Variants in PCDHA1 observed in about 807,000 individuals in gnomAD.
PCDHA1 encodes the protein protocadherin alpha 1.
A neutral mutation model predicts 61.3 loss-of-function variants in PCDHA1; 42 were observed. The observed-to-expected ratio is 0.69, with a 90% CI of 0.54 to 0.89. PCDHA1 has a LOEUF of 0.89. Among genes scored for constraint, PCDHA1 ranks in the 40% least tolerant of loss-of-function variants. PCDHA1 has a pLI of 0.00. For missense variants in PCDHA1, 1,256 were observed against 1,235.3 expected, an observed-to-expected ratio of 1.02 and a Z score of -0.25; for synonymous variants, 610 against 553.8, an observed-to-expected ratio of 1.10 and a Z score of -1.43.
At chr5:140,809,211 C>T (rs1554125084) in intron 1 of PCDHA1, 3 of 1,614,048 alleles carry the variant, frequency 1.9e-6, no homozygotes, top group South Asian at 1.1e-5. Flanking sequence ...AGTGGACAGG[C>T]GCCAAAGGCC....
At position 140,979,015 on chromosome 5, in the gene PCDHA1, T is replaced by C. The variant is rs782169362; in HGVS notation, c.2453+8T>C. ...GAGAGCAGGCATGCACAGGTATGTATTTCCCTCCTCATTCACTCAGAAGTA... is the reference window on the plus strand; with the variant it reads ...GAGAGCAGGCATGCACAGGTATGTACTTCCCTCCTCATTCACTCAGAAGTA... On this transcript the variant is annotated splice_region_variant and intron_variant, in intron 2 of 3. Coordinates refer to ENST00000504120, the MANE Select transcript of PCDHA1 (RefSeq NM_018900.4). 1 of 1,613,802 alleles carries C rather than the reference T, an allele frequency of 6.2e-7. No individual in the cohort carries two copies. Among genetic ancestry groups the C allele is most frequent in the Non-Finnish European group, 8.5e-7 (1 of 1,179,916 alleles).
At chr5:140,818,794 C>G (rs1184568922) in intron 1 of PCDHA1, among the ~76,000 whole-genome samples, 2 of 152,214 alleles carry the variant, frequency 1.3e-5, no homozygotes, top group Non-Finnish European at 2.9e-5. Context: ...TGTACCACTG[C>G]ACTCCAGCCT....
intron 3 of PCDHA1, among the ~76,000 whole-genome samples, chr5:141,008,684 G>A (rs1426948038): frequency 2.0e-5 from 3 of 152,236 alleles, no homozygotes; most frequent in South Asian, 4.2e-4. Flanking sequence ...TTTAGTTATT[G>A]CATGTATTAA....
Position 140,788,215 on chromosome 5 carries a change from TGTC to T in PCDHA1, c.1927_1929del (p.Ser643del), listed in dbSNP as rs1554118189. The T allele has an allele frequency of 3.1e-6, 5 of 1,614,002 alleles. No individual in the cohort carries two copies. Among genetic ancestry groups the T allele is most frequent in the Non-Finnish European group, 4.2e-6 (5 of 1,179,928 alleles). On this transcript the variant is annotated inframe_deletion, in exon 1 of 4. Transcript: ENST00000504120. ...ACTCGTGTCCTGGACGAGGCTGACT[TGTC>T]GCGCTACCGCCTTCTGGTGCTAGTG...
chr5:140,801,220 A>G (rs782702902), intron 1 of PCDHA1: 2 of 1,609,174 alleles, frequency 1.2e-6, no homozygotes, highest in South Asian at 1.1e-5. Context: ...TGGCGAGAAG[A>G]TCCTGGAGCC....
rs782346022 is a variant in PCDHA1 at position 140,877,702 on chromosome 5, G to A, written c.2394+89018G>A. On this transcript the variant is annotated intron_variant, in intron 1 of 3. Coordinates refer to ENST00000504120, the MANE Select transcript of PCDHA1 (RefSeq NM_018900.4). Reference sequence around the variant, plus strand: ...CAAGCCCACGCTGGTGTGCTCCAGCGCCGTGGGGAGTTGGTCTTACTCGCA... The same window carrying A: ...CAAGCCCACGCTGGTGTGCTCCAGCACCGTGGGGAGTTGGTCTTACTCGCA... 52 of 1,613,876 alleles carry A rather than the reference G, an allele frequency of 3.2e-5. No homozygotes were observed. In the Admixed American group the frequency reaches 8.7e-4, roughly 27 times the overall value.
At chr5:140,822,588 C>A (rs1554128732) in intron 1 of PCDHA1, 2 of 1,609,546 alleles carry the variant, frequency 1.2e-6, no homozygotes, top group South Asian at 1.1e-5. Flanking sequence ...CAGATGAGGG[C>A]ATCAATAAGG....
chr5:140,973,078 C>T (rs111586419), intron 1 of PCDHA1, among the ~76,000 whole-genome samples: 5,544 of 152,208 alleles, frequency 0.036, 303 homozygotes, highest in African/African-American at 0.12. Context: ...GTGGGCCCAG[C>T]TGGCACAACA....
chr5:140,850,343 C>T, intron 1 of PCDHA1: 1 of 1,597,790 alleles, frequency 6.3e-7, no homozygotes. Flanking sequence ...CAGAAACGGC[C>T]AGCGCGAGCA....
intron 1 of PCDHA1, chr5:140,803,503 T>A: frequency 6.2e-7 from 1 of 1,614,242 alleles, no homozygotes. Flanking sequence ...AAGACCGACC[T>A]CATGGCTTTT....
chr5:140,882,050 T>A, intron 1 of PCDHA1: 1 of 756,750 alleles, frequency 1.3e-6, no homozygotes, highest in African/African-American at 1.8e-5. Flanking sequence ...GAGTCATACT[T>A]ACACTTACAC....
chr5:140,876,195 G>A (rs1554168359), intron 1 of PCDHA1: 2 of 1,613,944 alleles, frequency 1.2e-6, no homozygotes, highest in Admixed American at 1.7e-5. Flanking sequence ...ATGGTCCGGC[G>A]TTTGATAAGC....
At chr5:140,869,521 C>G (rs782236624) in intron 1 of PCDHA1, 1 of 1,614,182 alleles carries the variant, frequency 6.2e-7, no homozygotes, top group Non-Finnish European at 8.5e-7. Context: ...AGAACAAAAG[C>G]TGCTGATTGC....
intron 1 of PCDHA1, chr5:140,883,610 G>C: frequency 6.2e-7 from 1 of 1,614,046 alleles, no homozygotes; most frequent in Non-Finnish European, 8.5e-7. Flanking sequence ...GGTGGCCGAC[G>C]TGAACGACAA....
chr5:140,899,609 A>G (rs898089235), intron 1 of PCDHA1, among the ~76,000 whole-genome samples: 12 of 152,104 alleles, frequency 7.9e-5, no homozygotes, highest in Non-Finnish European at 1.6e-4. Context: ...CTTTTGCATC[A>G]ATGTTCATCA....
intron 1 of PCDHA1, chr5:140,928,537 A>G (rs2085311063): frequency 1.2e-6 from 2 of 1,614,198 alleles, no homozygotes; most frequent in African/African-American, 2.7e-5. Context: ...GGTAGATAGG[A>G]ATGACAATTA....
chr5:140,873,998 C>T (rs2054625298), intron 1 of PCDHA1, among the ~76,000 whole-genome samples: 1 of 152,166 alleles, frequency 6.6e-6, no homozygotes, highest in Non-Finnish European at 1.5e-5. Context: ...ATGTATGGTA[C>T]ATTGACCACT....
At chr5:140,910,067 G>C (rs868941459) in intron 1 of PCDHA1, among the ~76,000 whole-genome samples, 1 of 152,194 alleles carries the variant, frequency 6.6e-6, no homozygotes, top group Non-Finnish European at 1.5e-5. Flanking sequence ...TTTTAACAGC[G>C]TAAATTGTTG....
At chr5:140,924,028 G>A (rs908427261) in intron 1 of PCDHA1, among the ~76,000 whole-genome samples, 2 of 152,158 alleles carry the variant, frequency 1.3e-5, no homozygotes, top group South Asian at 4.1e-4. Context: ...TGGAGGCATG[G>A]CTGCAGACCT....
Sources: allele counts gnomAD v4.1 joint callset (sites outside exome capture counted in the v4.1 genomes callset), GRCh38; gene constraint gnomAD v4.1.1; transcripts MANE v1.5; gene names NCBI Gene and HGNC (gene_info 2026-07-23, HGNC 2026-07-21).